The following DTYMK variants were observed in gnomAD, a reference collection of about 807,000 sequenced individuals.
The protein encoded by DTYMK is deoxythymidylate kinase, also known as thymidylate kinase.
A neutral mutation model predicts 20.3 loss-of-function variants in DTYMK; 20 were observed. That is an observed-to-expected ratio of 0.99 (90% CI 0.69 to 1.43). The LOEUF (loss-of-function observed/expected upper bound fraction) is 1.43. Among genes scored for constraint, DTYMK ranks in the 40% most tolerant of loss-of-function variants. DTYMK has a pLI of 0.00. For missense variants in DTYMK, 320 were observed against 291.1 expected (o/e 1.10, Z -0.72); for synonymous variants, 148 against 124.4 (o/e 1.19, Z -1.27).
Position 241,675,993 on chromosome 2 carries a change from C to T in DTYMK, c.*134G>A. On this transcript the variant is annotated 3_prime_UTR_variant, in exon 5 of 5. Coordinates refer to ENST00000305784, the MANE Select transcript of DTYMK (RefSeq NM_012145.4). The stretch of plus-strand genomic sequence containing the variant: ...CCCAGCTCCGGGGCAGAAGAGGCAG[C>T]CTGCAGATCTCTGCTGCCGGGAAAG... The T allele has an allele frequency of 2.3e-6, 2 of 867,650 alleles. No homozygotes were observed. Among genetic ancestry groups the T allele is most frequent in the Non-Finnish European group, 3.4e-6 (2 of 593,554 alleles). The allele number at this position is 867,650 out of a possible 1,614,324, so 53.7% of individuals were successfully genotyped here.
chr2:241,680,998 C>T (rs756731902), intron 2 of DTYMK, among the ~76,000 whole-genome samples: 4 of 152,124 alleles, frequency 2.6e-5, no homozygotes, highest in African/African-American at 4.8e-5. Context: ...AGGATGGTGG[C>T]GGGGGAAGCG....
intron 4 of DTYMK, among the ~76,000 whole-genome samples, chr2:241,677,971 T>C (rs2069154073): frequency 6.6e-6 from 1 of 152,072 alleles, no homozygotes; most frequent in Non-Finnish European, 1.5e-5. Context: ...GCAAAACTCA[T>C]CGGGTTAGAA....
chr2:241,685,950 C>T (rs2069385708), intron 1 of DTYMK, 73 bp from the exon 2 acceptor site: 5 of 1,450,226 alleles, frequency 3.4e-6, no homozygotes, highest in Non-Finnish European at 4.8e-6. Context: ...ATAGTTTGGA[C>T]TGAATTTCTC....
At chr2:241,683,506 C>T (rs529984759) in intron 2 of DTYMK, among the ~76,000 whole-genome samples, 1 of 152,172 alleles carries the variant, frequency 6.6e-6, no homozygotes, top group Admixed American at 6.5e-5. Flanking sequence ...TCCAATGTGG[C>T]CCAGGGAAGC....
chr2:241,686,627 G>C (rs780311405), intron 1 of DTYMK, 27 bp downstream of exon 1: 5 of 1,479,708 alleles, frequency 3.4e-6, no homozygotes, highest in South Asian at 2.6e-5. Context: ...CGAAGGCCGC[G>C]GCGCACCCCC....
intron 4 of DTYMK, among the ~76,000 whole-genome samples, chr2:241,677,830 C>T (rs1374991309): frequency 1.3e-5 from 2 of 152,192 alleles, no homozygotes; most frequent in Non-Finnish European, 2.9e-5. Context: ...CCATGCCCAG[C>T]GAGAGGCCGC....
Position 241,676,036 on chromosome 2 carries a change from G to A in DTYMK, c.*91C>T. ...CGGGAAAGAGCTCCTGAAGTTGTGG[G>A]GTCTGGACTCTGCTGGGGACGGGGC... is the stretch of plus-strand genomic sequence containing the variant. On this transcript the variant is annotated 3_prime_UTR_variant, in exon 5 of 5. Transcript: ENST00000305784. The A allele has an allele frequency of 3.3e-6, 4 of 1,212,926 alleles. No individual in the cohort carries two copies. The highest frequency in any genetic ancestry group is 3.0e-5 in the South Asian group (2 of 66,262). The allele number at this position is 1,212,926 out of a possible 1,614,324, so 75.1% of individuals were successfully genotyped here. A position where few individuals can be genotyped will look rare whatever the true frequency, so the allele number is the denominator to read the frequency against.
rs2069411586 is a variant in DTYMK, at chr2:241,686,521, G to T, written c.130+133C>A. 4 of 1,309,922 alleles carry T rather than the reference G, an allele frequency of 3.1e-6. No individual in the cohort carries two copies. In the South Asian group the frequency reaches 7.1e-5, roughly 23 times the overall value. 81.1% of individuals were successfully genotyped at this position (1,309,922 alleles called of 1,614,324 possible). On this transcript the variant is annotated intron_variant, in intron 1 of 4. Transcript: ENST00000305784. ...TGCACTCCAGCCTGGGCGACACAGG[G>T]AAAGCCCGTCTTTCAAAATAAAAAC...
At chr2:241,678,346 C>T in intron 4 of DTYMK, 106 bp downstream of exon 4, 1 of 1,501,926 alleles carries the variant, frequency 6.7e-7, no homozygotes, top group South Asian at 1.2e-5. Flanking sequence ...CTGGGAGGAC[C>T]AGACGGAAAC....
At chr2:241,680,812 C>T (rs904693383) in intron 2 of DTYMK, among the ~76,000 whole-genome samples, 2 of 152,208 alleles carry the variant, frequency 1.3e-5, no homozygotes, top group Admixed American at 6.6e-5. Context: ...CCCACACCTC[C>T]AGCAAAACCC....
chr2:241,685,897 C>T lies in DTYMK; in HGVS notation c.131-20G>A. On this transcript the variant is annotated intron_variant, in intron 1 of 4. Transcript: ENST00000305784. ...ATCTTTCTAGAAAAAAAGAGAAACA[C>T]ACAAAATGCAAGTGAGATCAGGCTT... 1 of 1,610,542 alleles carries T rather than the reference C, an allele frequency of 6.2e-7. No homozygotes were observed. The highest frequency in any genetic ancestry group is 8.5e-7 in the Non-Finnish European group (1 of 1,176,974).
chr2:241,680,517 C>G (rs2069233451), intron 2 of DTYMK, among the ~76,000 whole-genome samples, 198 bp from the exon 3 acceptor site: 1 of 151,930 alleles, frequency 6.6e-6, no homozygotes, highest in Admixed American at 6.6e-5. Flanking sequence ...TCTACTAATA[C>G]AAAATATTAG....
chr2:241,677,338 C>T (rs1259530086), intron 4 of DTYMK, among the ~76,000 whole-genome samples: 1 of 152,240 alleles, frequency 6.6e-6, no homozygotes. Context: ...CAAGATGAGC[C>T]TCTCCGGGCG....
chr2:241,678,579 T>C lies in DTYMK; in HGVS notation c.401A>G (p.Gln134Arg). The change falls in exon 4 of 5, where the codon CAG (glutamine) becomes CGG (arginine). Residue 134 changes from glutamine (Q) to arginine (R), a missense_variant. Gln to Arg is a conservative substitution (Grantham distance 43). Coordinates refer to ENST00000305784, the MANE Select transcript of DTYMK (RefSeq NM_012145.4). ...LPKPDLVLFLQLQLADAAKRG... is the reference protein window; with the variant it reads ...LPKPDLVLFLRLQLADAAKRG... ...CTTGGCAGCATCCGCCAGCTGTAAC[T>C]GGAGGAACAGGACCAGGTCGGGTTT... 1 of 1,614,194 alleles carries C rather than the reference T, an allele frequency of 6.2e-7. No individual in the cohort carries two copies. The highest frequency in any genetic ancestry group is 8.5e-7 in the Non-Finnish European group (1 of 1,180,044).
chr2:241,678,981 C>G (rs901514566), intron 3 of DTYMK, among the ~76,000 whole-genome samples: 3 of 152,204 alleles, frequency 2.0e-5, no homozygotes, highest in African/African-American at 7.2e-5. Flanking sequence ...TACAGAACCC[C>G]TGGAGACCCC....
At chr2:241,680,099 A>G in intron 3 of DTYMK, 130 bp downstream of exon 3, 1 of 770,390 alleles carries the variant, frequency 1.3e-6, no homozygotes. Flanking sequence ...TCTAGCAAAG[A>G]GATAAAAGGA....
At chr2:241,677,038 C>T (rs1391570521) in intron 4 of DTYMK, among the ~76,000 whole-genome samples, 1 of 152,246 alleles carries the variant, frequency 6.6e-6, no homozygotes, top group Non-Finnish European at 1.5e-5. Flanking sequence ...CATAAGCCCG[C>T]AGGACAGCCT....
intron 2 of DTYMK, chr2:241,682,956 T>G (rs999275918): frequency 1.9e-5 from 3 of 155,622 alleles, no homozygotes; most frequent in African/African-American, 7.2e-5. Flanking sequence ...AAACTTAGCA[T>G]GGTGGCATGC....
At chr2:241,679,862 G>A (rs1194136947) in intron 3 of DTYMK, among the ~76,000 whole-genome samples, 1 of 151,668 alleles carries the variant, frequency 6.6e-6, no homozygotes, top group African/African-American at 2.4e-5. Context: ...CCAGATACTC[G>A]GGAGACTGAG....
Sources: allele counts gnomAD v4.1 joint callset (sites outside exome capture counted in the v4.1 genomes callset), GRCh38; gene constraint gnomAD v4.1.1; transcripts MANE v1.5; gene names NCBI Gene and HGNC (gene_info 2026-07-23, HGNC 2026-07-21).